Variants in RPE observed in about 807,000 individuals in gnomAD.
RPE encodes ribulose-5-phosphate-3-epimerase.
RPE carries 16 observed loss-of-function variants against 24.6 expected under a neutral mutation model. That is an observed-to-expected ratio of 0.65 (90% CI 0.44 to 0.99). The LOEUF (loss-of-function observed/expected upper bound fraction) is 0.99, where lower values mean the gene tolerates loss of function less well. Ranked by LOEUF, RPE falls within the 50% of genes least tolerant of loss-of-function variation. The pLI, the probability that RPE is intolerant of heterozygous loss-of-function variation, is 0.00. For missense variants in RPE, 240 were observed against 294.5 expected (o/e 0.81, Z 1.35); for synonymous variants, 93 against 98.4 (o/e 0.94, Z 0.33).
intron 2 of RPE, among the ~76,000 whole-genome samples, chr2:210,011,534 T>C (rs2093699392): frequency 6.6e-6 from 1 of 152,182 alleles, no homozygotes; most frequent in Admixed American, 6.5e-5. Flanking sequence ...ACAATCTGCT[T>C]TTTCTTCTTG....
chr2:210,003,206 C>G (rs1397893139), intron 1 of RPE, among the ~76,000 whole-genome samples: 2 of 152,164 alleles, frequency 1.3e-5, no homozygotes, highest in African/African-American at 4.8e-5. Flanking sequence ...CGGTTAGGTT[C>G]CCGAGTTCTG....
In RPE at chr2:210,016,006, G is replaced by C; in HGVS notation, c.236G>C (p.Trp79Ser). The C allele has an allele frequency of 6.2e-7, 1 of 1,614,158 alleles. No individual in the cohort carries two copies. Among genetic ancestry groups the C allele is most frequent in the South Asian group, 1.1e-5 (1 of 91,084 alleles). Residue 79 changes from tryptophan to serine, a missense_variant, in exon 3 of 6, where the codon TGG (tryptophan) becomes TCG (serine). Physicochemically the swap from Trp to Ser is radical, Grantham distance 177. Coordinates refer to ENST00000359429, the MANE Select transcript of RPE (RefSeq NM_199229.3). ...MHMMVSKPEQWVKPMAVAGAN... is the reference protein window; with the variant it reads ...MHMMVSKPEQSVKPMAVAGAN... ...ATGATGGTGTCCAAGCCAGAACAGTGGGTAAAGCCAATGGCTGTAGCAGGA... is the reference window on the plus strand; with the variant it reads ...ATGATGGTGTCCAAGCCAGAACAGTCGGTAAAGCCAATGGCTGTAGCAGGA...
At chr2:210,008,922 C>T (rs1174782939) in intron 1 of RPE, among the ~76,000 whole-genome samples, 1 of 152,174 alleles carries the variant, frequency 6.6e-6, no homozygotes, top group African/African-American at 2.4e-5. Flanking sequence ...TCTTGAACTC[C>T]TGACCTCAAG....
rs995783376 is a variant in RPE, at chr2:210,009,743, G to C, written c.202+7G>C. On this transcript the variant is annotated splice_region_variant and intron_variant, in intron 2 of 5. Transcript: ENST00000359429. ...GGCCAGGACCCTTTCTTTGGTAAGT[G>C]GGTGTTACGCCATCTGAAGCTGGAT... is the stretch of plus-strand genomic sequence containing the variant. The C allele has an allele frequency of 6.2e-7, 1 of 1,613,980 alleles. No homozygotes were observed. The highest frequency in any genetic ancestry group is 1.7e-5 in the Admixed American group (1 of 60,006).
chr2:210,004,099 C>G (rs1256510510), intron 1 of RPE, among the ~76,000 whole-genome samples: 1 of 152,032 alleles, frequency 6.6e-6, no homozygotes, highest in African/African-American at 2.4e-5. Context: ...GTAATAATAC[C>G]CTGAGTGTCT....
At chr2:210,007,980 G>A (rs2093652129) in intron 1 of RPE, among the ~76,000 whole-genome samples, 1 of 152,202 alleles carries the variant, frequency 6.6e-6, no homozygotes, top group Non-Finnish European at 1.5e-5. Context: ...GAGCTCTGCA[G>A]TGACACACTA....
chr2:210,008,345 G>A (rs1397558675), intron 1 of RPE, among the ~76,000 whole-genome samples: 2 of 149,394 alleles, frequency 1.3e-5, no homozygotes, highest in Non-Finnish European at 3.0e-5. Context: ...GCCCAGGCTG[G>A]AGTGCAGTGG....
rs1441293179 is a variant in RPE, at chr2:210,020,777, G to A, written c.*986G>A. 3 of 158,984 alleles carry A rather than the reference G, an allele frequency of 1.9e-5. No homozygotes were observed. The highest frequency in any genetic ancestry group is 4.4e-5 in the Non-Finnish European group (3 of 68,016). 9.8% of individuals were successfully genotyped at this position (158,984 alleles called of 1,614,324 possible). The stretch of plus-strand genomic sequence containing the variant: ...TTAAATCTGTAAATCACCTCTATAA[G>A]TAAGTGGTAATAATAAAGCAGATAT... On this transcript the variant is annotated 3_prime_UTR_variant, in exon 6 of 6. Transcript: ENST00000359429.
rs1461698161 is a variant in RPE at position 210,021,109 on chromosome 2, ATATT to A, written c.*1322_*1325del. The A allele has an allele frequency of 2.6e-5, 4 of 152,116 alleles. No homozygotes were observed. The highest frequency in any genetic ancestry group is 9.7e-5 in the African/African-American group (4 of 41,450). The allele number at this position is 152,116 out of a possible 1,614,324, so 9.4% of individuals were successfully genotyped here. ...GATACAGAGTCAATCCATAAACTAAATATTTATAACTGTTCTGAATTATACAGAG... is the reference window on the plus strand; with the variant it reads ...GATACAGAGTCAATCCATAAACTAAATATAACTGTTCTGAATTATACAGAG... On this transcript the variant is annotated 3_prime_UTR_variant, in exon 6 of 6. Coordinates refer to ENST00000359429, the MANE Select transcript of RPE (RefSeq NM_199229.3).
rs2093849728 is a variant in RPE, at chr2:210,021,185, G to A, written c.*1394G>A. On this transcript the variant is annotated 3_prime_UTR_variant, in exon 6 of 6. Coordinates refer to ENST00000359429, the MANE Select transcript of RPE (RefSeq NM_199229.3). The stretch of plus-strand genomic sequence containing the variant: ...CTTCATTCCTGTAAATACTCTTGCT[G>A]TGTTATAAATATGGCAAGAAATAAA... 6.6e-6 allele frequency: 1 copy of A among 152,098 alleles called. No individual in the cohort carries two copies. The highest frequency in any genetic ancestry group is 2.4e-5 in the African/African-American group (1 of 41,446). 9.4% of individuals were successfully genotyped at this position (152,098 alleles called of 1,614,324 possible).
At position 210,020,222 on chromosome 2, in the gene RPE, A is replaced by G. The variant is rs1347985600; in HGVS notation, c.*431A>G. ...TTATGGTTTTTTTCTATTTCATGTT[A>G]TTGTGATTTGTTTATAAGTTTGGGT... On this transcript the variant is annotated 3_prime_UTR_variant, in exon 6 of 6. Transcript: ENST00000359429. The G allele has an allele frequency of 5.9e-6, 1 of 168,792 alleles. No homozygotes were observed. Among genetic ancestry groups the G allele is most frequent in the Non-Finnish European group, 1.4e-5 (1 of 69,426 alleles). 10.5% of individuals were successfully genotyped at this position (168,792 alleles called of 1,614,324 possible).
At chr2:210,017,433 C>T (rs1190801973) in intron 4 of RPE, 40 bp from the exon 5 acceptor site, 2 of 1,060,888 alleles carry the variant, frequency 1.9e-6, no homozygotes, top group Non-Finnish European at 2.7e-6. Flanking sequence ...ACCAACATAC[C>T]CACTTTAGGA....
intron 2 of RPE, among the ~76,000 whole-genome samples, chr2:210,012,439 G>A (rs2539867): frequency 7.9e-5 from 12 of 152,222 alleles, no homozygotes; most frequent in Non-Finnish European, 1.5e-4. Flanking sequence ...TGAAGCAGTA[G>A]AAATTAATAA....
chr2:210,006,942 T>TA, intron 1 of RPE, among the ~76,000 whole-genome samples: 1 of 152,230 alleles, frequency 6.6e-6, no homozygotes, highest in Non-Finnish European at 1.5e-5. Flanking sequence ...CCTGAATCCT[T>TA]ACCTCTCTCT....
At chr2:210,016,781 G>A in intron 4 of RPE, 140 bp downstream of exon 4, 7 of 1,123,754 alleles carry the variant, frequency 6.2e-6, no homozygotes, top group Non-Finnish European at 8.7e-6. Flanking sequence ...TTCTAATACA[G>A]TATAATAAAT....
intron 1 of RPE, among the ~76,000 whole-genome samples, chr2:210,008,099 G>C (rs2093653612): frequency 6.6e-6 from 1 of 152,128 alleles, no homozygotes; most frequent in Non-Finnish European, 1.5e-5. Flanking sequence ...AAGGGAACTG[G>C]GAATGAAAAG....
At chr2:210,016,176 C>T in intron 3 of RPE, 64 bp downstream of exon 3, 2 of 1,613,666 alleles carry the variant, frequency 1.2e-6, no homozygotes, top group Non-Finnish European at 1.7e-6. Context: ...TTGCGGGAAA[C>T]AGGAAATTTT....
intron 5 of RPE, chr2:210,018,011 T>C: frequency 1.2e-6 from 1 of 853,924 alleles, no homozygotes; most frequent in Non-Finnish European, 1.7e-6. Flanking sequence ...TCCCAAAGTG[T>C]TGGGATTACA....
At chr2:210,015,148 A>G (rs2093753035) in intron 2 of RPE, among the ~76,000 whole-genome samples, 2 of 152,132 alleles carry the variant, frequency 1.3e-5, no homozygotes, top group African/African-American at 4.8e-5. Context: ...CCTTGATGCC[A>G]TCTTTATTTT....
Sources: allele counts gnomAD v4.1 joint callset (sites outside exome capture counted in the v4.1 genomes callset), GRCh38; gene constraint gnomAD v4.1.1; transcripts MANE v1.5; gene names NCBI Gene and HGNC (gene_info 2026-07-23, HGNC 2026-07-21).